Variants in MUC17 observed in about 807,000 individuals in gnomAD.
MUC17 encodes mucin-17.
In MUC17, 190 loss-of-function variants were observed where a neutral mutation model predicts 170.3. That is an observed-to-expected ratio of 1.12 (90% CI 0.99 to 1.26). MUC17 has a LOEUF of 1.26. MUC17 is among the 50% of genes most tolerant of loss of function. MUC17 has a pLI of 0.00. For synonymous variants in MUC17, 2,325 were observed against 2,002.5 expected (o/e 1.16, Z -4.30); for missense variants, 6,415 against 5,530.0 (o/e 1.16, Z -5.08).
At position 101,041,675 on chromosome 7, in the gene MUC17, C is replaced by CA; in HGVS notation, c.10261dup (p.Thr3421AsnfsTer15). ...GTCAGTTCTGAGGTTAACACCCTTT[C>CA]AACAACTCCTGTGGACTCCAACACT... On this transcript the variant is annotated frameshift_variant, in exon 3 of 13. Transcript: ENST00000306151. LOFTEE classifies it high-confidence loss of function. The CA allele has an allele frequency of 6.2e-7, 1 of 1,613,990 alleles. No individual in the cohort carries two copies. The highest frequency in any genetic ancestry group is 8.5e-7 in the Non-Finnish European group (1 of 1,179,966).
intron 2 of MUC17, 83 bp from the exon 3 acceptor site, chr7:101,031,518 T>G (rs1794278280): frequency 3.6e-6 from 5 of 1,387,182 alleles, no homozygotes; most frequent in Non-Finnish European, 4.8e-6. Flanking sequence ...ACATTTTCAG[T>G]AAAAAGCCCA....
rs114954337 is a variant in MUC17, at chr7:101,029,579, G to C, written c.83-1541G>C. On this transcript the variant is annotated intron_variant, in intron 1 of 12. Coordinates refer to ENST00000306151, the MANE Select transcript of MUC17 (RefSeq NM_001040105.2). ...TGGGTGCTGGGAATTTTTGCATTCC[G>C]TTTTTTAATTAATTTATTATTATTA... Among the ~76,000 whole-genome samples, 536 of 151,798 alleles carry C rather than the reference G, an allele frequency of 3.5e-3. 2 individuals are homozygous for C. The highest frequency in any genetic ancestry group is 0.012 in the African/African-American group (508 of 41,350).
intron 1 of MUC17, among the ~76,000 whole-genome samples, chr7:101,028,807 G>A (rs1271474325): frequency 6.6e-6 from 1 of 152,120 alleles, no homozygotes; most frequent in African/African-American, 2.4e-5. Flanking sequence ...AGAATTGCTT[G>A]AGCCCAGGAA....
chr7:101,052,134 G>A (rs1160199128), intron 9 of MUC17, among the ~76,000 whole-genome samples, 172 bp downstream of exon 9: 1 of 152,204 alleles, frequency 6.6e-6, no homozygotes. Flanking sequence ...GGAAAAACAT[G>A]AGTAGTTGAG....
rs745576042 is a variant in MUC17 at position 101,042,285 on chromosome 7, C to T, written c.10869C>T (p.Ile3623=). ...SNSTPTPPEV[I]TLPMSTPSEV... ...CTACTCCTACACCTCCTGAAGTTAT[C>T]ACCCTGCCAATGTCAACTCCTAGTG... The change falls in exon 3 of 13, where the codon ATC becomes ATT. Residue 3623 remains isoleucine (I), a synonymous_variant. Coordinates refer to ENST00000306151, the MANE Select transcript of MUC17 (RefSeq NM_001040105.2). The T allele has an allele frequency of 1.9e-6, 3 of 1,613,868 alleles. No individual in the cohort carries two copies. Among genetic ancestry groups the T allele is most frequent in the African/African-American group, 2.7e-5 (2 of 74,834 alleles).
Position 101,034,215 on chromosome 7 carries a change from C to T in MUC17, c.2799C>T (p.Thr933=), listed in dbSNP as rs1202659395. 1 of 1,601,520 alleles carries T rather than the reference C, an allele frequency of 6.2e-7. No individual in the cohort carries two copies. Among genetic ancestry groups the T allele is most frequent in the Non-Finnish European group, 8.5e-7 (1 of 1,173,804 alleles). The change falls in exon 3 of 13, where the codon ACC becomes ACT. Residue 933 remains threonine (T), a synonymous_variant. Coordinates refer to ENST00000306151, the MANE Select transcript of MUC17 (RefSeq NM_001040105.2). ...CATTAACAAGTATGCCTGACAGCAC[C>T]ACGCCGGTAGTCAGTTCTGAGGCTA... ...STPLTSMPDS[T]TPVVSSEART... is the part of the protein sequence containing the mutation.
intron 10 of MUC17, 82 bp from the exon 11 acceptor site, chr7:101,053,257 A>G: frequency 6.3e-7 from 1 of 1,580,876 alleles, no homozygotes; most frequent in Non-Finnish European, 8.7e-7. Context: ...GGGGGCAGCT[A>G]AAAATGGGGA....
In MUC17 at chr7:101,051,858, G is replaced by A. The variant is rs147835650; in HGVS notation, c.12999G>A (p.Arg4333=). ...GAGACTACTTCGTAGTGGAGTACCG[G>A]GACCAGAAGCCATACTGCATCAGCC... is the stretch of plus-strand genomic sequence containing the variant. ...EYGDYFVVEY[R]DQKPYCISPC... The change falls in exon 9 of 13, where the codon CGG becomes CGA. Residue 4333 remains arginine (R), a synonymous_variant. Transcript: ENST00000306151. 1.1e-4 allele frequency: 182 copies of A among 1,614,050 alleles called. No homozygotes were observed. Among genetic ancestry groups the A allele is most frequent in the Non-Finnish European group, 1.4e-4 (170 of 1,180,036 alleles).
rs139212028 is a variant in MUC17 at position 101,035,754 on chromosome 7, A to G, written c.4338A>G (p.Pro1446=). 803 of 1,611,326 alleles carry G rather than the reference A, an allele frequency of 5.0e-4. 4 individuals carry two copies. The African/African-American group carries it at 9.5e-3, about 19-fold the overall frequency. The change falls in exon 3 of 13, where the codon CCA becomes CCG. Residue 1446 remains proline, a synonymous_variant. Transcript: ENST00000306151. ...CAACTGCTGAAGGTATCAGCATACC[A>G]ACCTCAACTCCTAGTGAAGGAAAGA... ...SPTTAEGISI[P]TSTPSEGKTP...
Position 101,034,952 on chromosome 7 carries a change from C to G in MUC17, c.3536C>G (p.Thr1179Ser). The change falls in exon 3 of 13, where the codon ACC (threonine) becomes AGC (serine). Residue 1179 changes from threonine to serine, a missense_variant. Transcript: ENST00000306151. The part of the protein sequence containing the change: ...TTLVVSSEAN[T>S]LSTTPVDSKT... ...CTGGTGGTCAGTTCTGAGGCTAACA[C>G]CCTTTCAACAACTCCTGTGGACTCC... 1 of 1,614,066 alleles carries G rather than the reference C, an allele frequency of 6.2e-7. No homozygotes were observed. The highest frequency in any genetic ancestry group is 8.5e-7 in the Non-Finnish European group (1 of 1,179,984).
At position 101,042,462 on chromosome 7, in the gene MUC17, C is replaced by A. The variant is rs1794743553; in HGVS notation, c.11046C>A (p.Thr3682=). 1 of 1,614,024 alleles carries A rather than the reference C, an allele frequency of 6.2e-7. No homozygotes were observed. The highest frequency in any genetic ancestry group is 8.5e-7 in the Non-Finnish European group (1 of 1,179,968). Residue 3682 remains threonine, a synonymous_variant, in exon 3 of 13, where the codon ACC becomes ACA. Transcript: ENST00000306151. ...VSSSPVTPEG[T]TMPIWTPSEG... ...CATCTCCTGTGACTCCTGAAGGTAC[C>A]ACCATGCCAATCTGGACGCCTAGTG...
rs1436547263 is a variant in MUC17 at position 101,037,337 on chromosome 7, G to A, written c.5921G>A (p.Ser1974Asn). 3 of 1,613,996 alleles carry A rather than the reference G, an allele frequency of 1.9e-6. No homozygotes were observed. The highest frequency in any genetic ancestry group is 1.6e-4 in the Middle Eastern group (1 of 6,082). The change falls in exon 3 of 13, where the codon AGC becomes AAC. Residue 1974 changes from serine (S) to asparagine (N), a missense_variant. Coordinates refer to ENST00000306151, the MANE Select transcript of MUC17 (RefSeq NM_001040105.2). ...TCTCCTACAACTGCTGATGGTACCA[G>A]CATGCCAACCCCAGCTTATAGTGAA... is the stretch of plus-strand genomic sequence containing the variant. ...SSSPTTADGT[S>N]MPTPAYSEGS...
In MUC17 at chr7:101,058,655, T is replaced by C. The variant is rs1280268964; in HGVS notation, c.*611T>C. ...CACTGGACTGCATGCACTTTACATATCACAAAATGCTCTCATAAGAATTAT... is the reference window on the plus strand; with the variant it reads ...CACTGGACTGCATGCACTTTACATACCACAAAATGCTCTCATAAGAATTAT... On this transcript the variant is annotated 3_prime_UTR_variant, in exon 13 of 13. Transcript: ENST00000306151. The C allele has an allele frequency of 6.6e-6, 1 of 152,118 alleles. No homozygotes were observed. Among genetic ancestry groups the C allele is most frequent in the Non-Finnish European group, 1.5e-5 (1 of 68,032 alleles). The allele number at this position is 152,118 out of a possible 1,614,324, so 9.4% of individuals were successfully genotyped here.
In MUC17 at chr7:101,041,662, G is replaced by A. The variant is rs901877832; in HGVS notation, c.10246G>A (p.Val3416Ile). Residue 3416 changes from valine (V) to isoleucine (I), a missense_variant, in exon 3 of 13, where the codon GTT becomes ATT. By Grantham distance (29) the Val-to-Ile change is conservative. Coordinates refer to ENST00000306151, the MANE Select transcript of MUC17 (RefSeq NM_001040105.2). Reference protein sequence around the residue: ...VSTTPVVSSEVNTLSTTPVDS... With the variant: ...VSTTPVVSSEINTLSTTPVDS... ...CACCACGCCGGTGGTCAGTTCTGAG[G>A]TTAACACCCTTTCAACAACTCCTGT... is the stretch of plus-strand genomic sequence containing the variant. The A allele has an allele frequency of 6.2e-7, 1 of 1,613,644 alleles. No homozygotes were observed. The highest frequency in any genetic ancestry group is 8.5e-7 in the Non-Finnish European group (1 of 1,179,882).
intron 4 of MUC17, 89 bp from the exon 5 acceptor site, chr7:101,048,756 T>G: frequency 6.8e-7 from 1 of 1,476,502 alleles, no homozygotes; most frequent in Non-Finnish European, 9.2e-7. Flanking sequence ...TAAAATACAA[T>G]GGAGCTCACT....
rs1794596167 is a variant in MUC17, at chr7:101,039,119, C to T, written c.7703C>T (p.Thr2568Ile). Residue 2568 changes from threonine to isoleucine, a missense_variant, in exon 3 of 13, where the codon ACT (threonine) becomes ATT (isoleucine). Thr to Ile is a moderately conservative substitution (Grantham distance 89). Coordinates refer to ENST00000306151, the MANE Select transcript of MUC17 (RefSeq NM_001040105.2). ...GAAGGTACCAGCATGCCTACCTCAA[C>T]TTATAGTGAAGGAAGCACTCCATTA... ...SAEGTSMPTS[T>I]YSEGSTPLRS... is the part of the protein sequence containing the mutation. 1 of 1,613,854 alleles carries T rather than the reference C, an allele frequency of 6.2e-7. No individual in the cohort carries two copies. Among genetic ancestry groups the T allele is most frequent in the Non-Finnish European group, 8.5e-7 (1 of 1,179,942 alleles).
chr7:101,032,533 T>C lies in MUC17; in HGVS notation c.1117T>C (p.Ser373Pro). 1.9e-6 allele frequency: 3 copies of C among 1,614,118 alleles called. No individual in the cohort carries two copies. The South Asian group carries it at 3.3e-5, about 18-fold the overall frequency. Residue 373 changes from serine to proline, a missense_variant, in exon 3 of 13, where the codon TCA becomes CCA. Coordinates refer to ENST00000306151, the MANE Select transcript of MUC17 (RefSeq NM_001040105.2). ...TLVTTSTEPS[S>P]LPTTAEATSM... Reference sequence around the variant, plus strand: ...TGTGACCACTTCTACTGAACCCAGTTCACTTCCTACAACTGCTGAAGCTAC... The same window carrying C: ...TGTGACCACTTCTACTGAACCCAGTCCACTTCCTACAACTGCTGAAGCTAC...
At position 101,039,284 on chromosome 7, in the gene MUC17, T is replaced by G. The variant is rs199517803; in HGVS notation, c.7868T>G (p.Met2623Arg). 1.5e-4 allele frequency: 237 copies of G among 1,613,242 alleles called. 2 individuals are homozygous for G. In the East Asian group the frequency reaches 4.6e-3, roughly 31 times the overall value. ...SSPTTAKDTS[M>R]PISTPSEVST... Reference sequence around the variant, plus strand: ...CCTACAACTGCAAAAGATACCAGCATGCCAATCTCAACTCCTAGTGAAGTA... The same window carrying G: ...CCTACAACTGCAAAAGATACCAGCAGGCCAATCTCAACTCCTAGTGAAGTA... Residue 2623 changes from methionine (M) to arginine (R), a missense_variant, in exon 3 of 13, where the codon ATG becomes AGG. Met to Arg is a moderately conservative substitution (Grantham distance 91, BLOSUM62 -1). Coordinates refer to ENST00000306151, the MANE Select transcript of MUC17 (RefSeq NM_001040105.2).
intron 11 of MUC17, 49 bp downstream of exon 11, chr7:101,053,485 G>C (rs758069054): frequency 1.4e-6 from 2 of 1,465,532 alleles, no homozygotes. Context: ...TGTGGAAACA[G>C]GCTGGGTGCG....
Sources: allele counts gnomAD v4.1 joint callset (sites outside exome capture counted in the v4.1 genomes callset), GRCh38; gene constraint gnomAD v4.1.1; transcripts MANE v1.5; gene names NCBI Gene and HGNC (gene_info 2026-07-23, HGNC 2026-07-21).